Variants in CHD5 observed in about 807,000 individuals in gnomAD.
CHD5 encodes the protein ATP-dependent chromatin remodeler CHD5.
CHD5 carries 69 observed loss-of-function variants against 230.3 expected under a neutral mutation model. That is an observed-to-expected ratio of 0.30 (90% CI 0.25 to 0.37). The LOEUF (loss-of-function observed/expected upper bound fraction) is 0.37. CHD5 is among the 10% of genes least tolerant of loss of function. The pLI is 1.00. For missense variants in CHD5, 1,827 were observed against 2,622.8 expected (o/e 0.70, Z 6.63); for synonymous variants, 1,064 against 1,065.9 (o/e 1.00, Z 0.03).
At chr1:6,147,141 G>A (rs1012141763) in intron 9 of CHD5, among the ~76,000 whole-genome samples, 4 of 152,236 alleles carry the variant, frequency 2.6e-5, no homozygotes, top group African/African-American at 4.8e-5. Flanking sequence ...CTGAGCCAGC[G>A]TAGGTGAGAC....
Position 6,106,375 on chromosome 1 carries a change from C to A in CHD5, c.5857+20G>T. 6.2e-7 allele frequency: 1 copy of A among 1,607,536 alleles called. No individual in the cohort carries two copies. On this transcript the variant is annotated intron_variant, in intron 40 of 41. Coordinates refer to ENST00000262450, the MANE Select transcript of CHD5 (RefSeq NM_015557.3). ...GGCGGGCACCCGTGTGCATGCTGCC[C>A]GGAGCGGACGGGCACCTACCGGTCA...
chr1:6,153,511 G>A (rs186642801), intron 5 of CHD5, among the ~76,000 whole-genome samples: 35 of 152,246 alleles, frequency 2.3e-4, no homozygotes, highest in South Asian at 2.1e-3. Flanking sequence ...AGGGATCCCC[G>A]GAGCCCCCTC....
rs1320291435 is a variant in CHD5 at position 6,125,606 on chromosome 1, C to T, written c.4178G>A (p.Arg1393Gln). ...FEERPEGQSGRRQSRRQLKSD... is the reference protein window; with the variant it reads ...FEERPEGQSGQRQSRRQLKSD... ...CTTCAGCTGCCTCCGGGATTGTCGT[C>T]GTCCACCTGGGGAGCAGCCCGCCAC... The change falls in exon 28 of 42, where the codon CGA becomes CAA. Residue 1393 changes from arginine to glutamine, a missense_variant. Physicochemically the swap from Arg to Gln is conservative, Grantham distance 43. Around this residue, in one of 14 missense-constraint regions of CHD5, gnomAD observed 137 missense variants for 272.7 expected, o/e 0.50. Coordinates refer to ENST00000262450, the MANE Select transcript of CHD5 (RefSeq NM_015557.3). The surrounding 1 kb of genome is among the most constrained non-coding windows in gnomAD (Gnocchi z 6.7). The T allele has an allele frequency of 5.0e-6, 8 of 1,609,984 alleles. No individual in the cohort carries two copies. The highest frequency in any genetic ancestry group is 1.3e-5 in the African/African-American group (1 of 74,808).
intron 1 of CHD5, among the ~76,000 whole-genome samples, chr1:6,169,713 G>T (rs1320491035): frequency 6.6e-6 from 1 of 152,212 alleles, no homozygotes; most frequent in Non-Finnish European, 1.5e-5. Context: ...CAGAAGGGAA[G>T]AACCTCCAAG....
chr1:6,150,897 C>T (rs1055694925), intron 7 of CHD5, 135 bp downstream of exon 7: 23 of 1,157,316 alleles, frequency 2.0e-5, no homozygotes, highest in Non-Finnish European at 2.6e-5. Flanking sequence ...GATGCCCTCC[C>T]CCTGCTTCCC....
chr1:6,124,243 G>C (rs1408493975), intron 30 of CHD5, 136 bp from the exon 31 acceptor site: 3 of 849,378 alleles, frequency 3.5e-6, no homozygotes, highest in Admixed American at 5.5e-5. Context: ...CCCAAGGCTG[G>C]CCAAGCCAGG....
rs1364372715 is a variant in CHD5, at chr1:6,142,323, G to A, written c.2241C>T (p.His747=). 3 of 1,607,288 alleles carry A rather than the reference G, an allele frequency of 1.9e-6. No homozygotes were observed. In the African/African-American group the frequency reaches 4.0e-5, roughly 21 times the overall value. ...CGCTAACCAGGTAGGGCCCTTTGGA[G>A]TGGCCCTGGAGAGAGAGGCCGATGC... The part of the protein sequence containing the change: ...VFLYSLYKEG[H]SKGPYLVSAP... The change falls in exon 15 of 42, where the codon CAC becomes CAT. Residue 747 remains histidine (H), a synonymous_variant. Coordinates refer to ENST00000262450, the MANE Select transcript of CHD5 (RefSeq NM_015557.3). This position sits in a 1 kb window ranked among gnomAD's most constrained non-coding sequence, Gnocchi z 5.2.
At chr1:6,111,546 A>G (rs954553963) in intron 36 of CHD5, among the ~76,000 whole-genome samples, 2 of 152,012 alleles carry the variant, frequency 1.3e-5, no homozygotes, top group African/African-American at 4.8e-5. Flanking sequence ...AAAAAAAAAA[A>G]AAAAGAGAGA....
intron 33 of CHD5, among the ~76,000 whole-genome samples, chr1:6,114,414 CTGGGCCACACTGGAAGAAGAACCGTCT>C (rs1167669668): frequency 6.6e-6 from 1 of 152,080 alleles, no homozygotes; most frequent in African/African-American, 2.4e-5. Context: ...TTCGGCTTCC[CTGGGCCACACTGGAAGAAGAACCGTCT>C]TGGGCCACAC....
At chr1:6,159,303 G>T (rs3827727) in intron 3 of CHD5, 33 bp downstream of exon 3, 148,008 of 1,549,288 alleles carry the variant, frequency 0.096, 10,077 homozygotes, top group East Asian at 0.31. Flanking sequence ...GGGGGATGTC[G>T]CTCTGTCCCC....
intron 36 of CHD5, 149 bp from the exon 37 acceptor site, chr1:6,110,675 G>T: frequency 1.3e-6 from 1 of 774,700 alleles, no homozygotes; most frequent in East Asian, 2.7e-5. Flanking sequence ...GCTGCACGAG[G>T]AACATATTGA....
chr1:6,118,204 C>T (rs940671569), intron 33 of CHD5, among the ~76,000 whole-genome samples: 2 of 151,856 alleles, frequency 1.3e-5, no homozygotes, highest in Non-Finnish European at 2.9e-5. Context: ...GGCAAAACCC[C>T]GTCTCTACAA....
Position 6,136,437 on chromosome 1 carries a change from C to G in CHD5, c.2696+80G>C. ...AGCAACGGCCGAGCAGGTCTCACAG[C>G]CAGGATGGGCTATTGATCCGTCTTC... On this transcript the variant is annotated intron_variant, in intron 17 of 41. Coordinates refer to ENST00000262450, the MANE Select transcript of CHD5 (RefSeq NM_015557.3). 1.8e-5 allele frequency: 28 copies of G among 1,534,322 alleles called. No individual in the cohort carries two copies. The South Asian group carries it at 3.2e-4, about 17-fold the overall frequency.
chr1:6,143,712 T>C (rs531169645), intron 13 of CHD5, 111 bp downstream of exon 13: 6 of 968,356 alleles, frequency 6.2e-6, no homozygotes, highest in East Asian at 2.5e-5. Context: ...GCATAAGCCA[T>C]GAGGGCCCAA....
intron 3 of CHD5, 104 bp downstream of exon 3, chr1:6,159,232 C>G: frequency 3.1e-6 from 3 of 982,844 alleles, no homozygotes; most frequent in Non-Finnish European, 3.9e-6. Flanking sequence ...CTCCATCACA[C>G]ACACACACAC....
rs1445447237 is a variant in CHD5 at position 6,146,783 on chromosome 1, G to A, written c.1472C>T (p.Pro491Leu). 9.4e-6 allele frequency: 15 copies of A among 1,598,326 alleles called. No homozygotes were observed. Among genetic ancestry groups the A allele is most frequent in the Non-Finnish European group, 1.3e-5 (15 of 1,171,232 alleles). ...PAPFMVGLPG[P>L]DVEPSLPPPK... ...TGGAGGGAGGCTGGGCTCCACGTCAGGCCCCGGCAGCCCCACCATGAAGGG... is the reference window on the plus strand; with the variant it reads ...TGGAGGGAGGCTGGGCTCCACGTCAAGCCCCGGCAGCCCCACCATGAAGGG... The change falls in exon 10 of 42, where the codon CCT becomes CTT. Residue 491 changes from proline (P) to leucine (L), a missense_variant. Transcript: ENST00000262450. This position sits in a 1 kb window ranked among gnomAD's most constrained non-coding sequence, Gnocchi z 5.1.
At chr1:6,176,564 T>C (rs1336824439) in intron 1 of CHD5, among the ~76,000 whole-genome samples, 1 of 152,186 alleles carries the variant, frequency 6.6e-6, no homozygotes, top group South Asian at 2.1e-4. Flanking sequence ...CCCCTGAGCT[T>C]ACTGGCTAAG....
In CHD5 at chr1:6,159,319, C is replaced by G. The variant is rs1487043226; in HGVS notation, c.387+17G>C. 6 of 1,551,168 alleles carry G rather than the reference C, an allele frequency of 3.9e-6. No individual in the cohort carries two copies. The highest frequency in any genetic ancestry group is 5.2e-6 in the Non-Finnish European group (6 of 1,146,792). On this transcript the variant is annotated intron_variant, in intron 3 of 41. Coordinates refer to ENST00000262450, the MANE Select transcript of CHD5 (RefSeq NM_015557.3). ...GGGGATGTCGCTCTGTCCCCCCAGC[C>G]AGGCCTCCACAGTTACCTTTAAGCA... is the stretch of plus-strand genomic sequence containing the variant.
intron 15 of CHD5, among the ~76,000 whole-genome samples, chr1:6,137,903 C>T (rs183638094): frequency 1.2e-4 from 19 of 152,354 alleles, no homozygotes; most frequent in Non-Finnish European, 2.5e-4. Context: ...CTCCCCTGCC[C>T]CTGCCTGGTG....
Sources: allele counts gnomAD v4.1 joint callset (sites outside exome capture counted in the v4.1 genomes callset), GRCh38; gene constraint gnomAD v4.1.1; regional missense constraint gnomAD v4.1.1; non-coding constraint Gnocchi (gnomAD v3.1); transcripts MANE v1.5; gene names NCBI Gene and HGNC (gene_info 2026-07-23, HGNC 2026-07-21).